Variants in UQCC5 observed in about 807,000 individuals in gnomAD.
UQCC5 encodes the protein ubiquinol-cytochrome c reductase complex assembly factor 5.
the UQCC5 span, among the ~76,000 whole-genome samples, chr3:52,537,219 G>A: frequency 6.6e-6 from 1 of 152,208 alleles, no homozygotes; most frequent in Non-Finnish European, 1.5e-5. Flanking sequence ...CACAACAATC[G>A]TAGAAGGGGG....
chr3:52,540,578 C>T, the UQCC5 span: 53 of 908,044 alleles, frequency 5.8e-5, no homozygotes, highest in Non-Finnish European at 8.3e-5. Context: ...CTTGTTCTGA[C>T]ACAGCTTGTC....
the UQCC5 span, chr3:52,536,792 C>T: frequency 5.8e-6 from 9 of 1,551,780 alleles, no homozygotes; most frequent in Non-Finnish European, 7.8e-6. Flanking sequence ...GATTCTGCAG[C>T]GGGTGCCCGG....
the UQCC5 span, chr3:52,536,990 A>G: frequency 1.3e-6 from 2 of 1,509,670 alleles, no homozygotes; most frequent in Non-Finnish European, 1.8e-6. Flanking sequence ...GTATTCTCAG[A>G]TTGCAGACCG....
the UQCC5 span, among the ~76,000 whole-genome samples, chr3:52,539,636 A>T: frequency 3.0e-5 from 4 of 132,244 alleles, no homozygotes; most frequent in East Asian, 2.2e-4. Flanking sequence ...TGAAGGAAGA[A>T]GATTTTTTTT....
chr3:52,538,537 C>T, the UQCC5 span, among the ~76,000 whole-genome samples: 482 of 152,312 alleles, frequency 3.2e-3, 8 homozygotes, highest in East Asian at 2.7e-3. Context: ...TCTTGGCTCA[C>T]CGCAACCTCT....
the UQCC5 span, chr3:52,541,081 G>A: frequency 6.6e-6 from 1 of 152,326 alleles, no homozygotes; most frequent in Non-Finnish European, 1.5e-5. Context: ...CATGAGGACT[G>A]TGGGCAACAG....
the UQCC5 span, chr3:52,541,863 A>G: frequency 2.0e-5 from 3 of 152,248 alleles, no homozygotes; most frequent in African/African-American, 7.2e-5. Context: ...AAAGAATAAT[A>G]GTAAACACTA....
the UQCC5 span, among the ~76,000 whole-genome samples, chr3:52,539,155 ATCAGTTGGCCCC>A: frequency 1.3e-5 from 2 of 152,176 alleles, no homozygotes; most frequent in Non-Finnish European, 2.9e-5. Flanking sequence ...AGTTAGAGGC[ATCAGTTGGCCCC>A]TCAGGACACA....
At chr3:52,536,633 G>A in the UQCC5 span, 21 of 1,480,940 alleles carry the variant, frequency 1.4e-5, no homozygotes, top group African/African-American at 4.2e-5. Flanking sequence ...CAGTGGCGGA[G>A]GACGGCGCTC....
the UQCC5 span, among the ~76,000 whole-genome samples, chr3:52,539,548 A>G: frequency 3.3e-5 from 5 of 152,316 alleles, no homozygotes; most frequent in East Asian, 9.6e-4. Flanking sequence ...GCCAGAGGCC[A>G]GCACTTTTGG....
the UQCC5 span, chr3:52,540,462 CAG>C: frequency 6.5e-7 from 1 of 1,532,066 alleles, no homozygotes; most frequent in Non-Finnish European, 8.8e-7. Context: ...AAGACAGTAT[CAG>C]AGAAGGCTGG....
At chr3:52,537,312 C>T in the UQCC5 span, among the ~76,000 whole-genome samples, 26 of 152,224 alleles carry the variant, frequency 1.7e-4, no homozygotes, top group African/African-American at 6.3e-4. Flanking sequence ...GGGAGCTGAT[C>T]TGCCTGGCTT....
At chr3:52,540,731 T>G in the UQCC5 span, 3 of 363,862 alleles carry the variant, frequency 8.2e-6, no homozygotes, top group African/African-American at 4.2e-5. Context: ...TCGATGAATC[T>G]AGTCCATGAA....
At chr3:52,537,014 G>C in the UQCC5 span, 8 of 1,434,674 alleles carry the variant, frequency 5.6e-6, no homozygotes, top group Non-Finnish European at 6.6e-6. Flanking sequence ...ATTCCACTCA[G>C]AGCGCTGGGC....
At chr3:52,540,812 T>C in the UQCC5 span, 1 of 213,486 alleles carries the variant, frequency 4.7e-6, no homozygotes, top group Non-Finnish European at 9.2e-6. Flanking sequence ...TCGGCAATCT[T>C]TGTTTTTAGG....
At chr3:52,540,400 T>A in the UQCC5 span, 2 of 1,503,682 alleles carry the variant, frequency 1.3e-6, no homozygotes, top group Non-Finnish European at 1.8e-6. Context: ...CTTAAACATC[T>A]GAGCAACTTT....
chr3:52,539,324 C>T, the UQCC5 span, among the ~76,000 whole-genome samples: 3 of 152,106 alleles, frequency 2.0e-5, no homozygotes, highest in Non-Finnish European at 2.9e-5. Context: ...AGCGGCTGAG[C>T]GGGTAAGACG....
chr3:52,538,317 C>CCA, the UQCC5 span, among the ~76,000 whole-genome samples: 1 of 152,104 alleles, frequency 6.6e-6, no homozygotes, highest in Non-Finnish European at 1.5e-5. Flanking sequence ...ACAGGCAGGG[C>CCA]CATCCTGGGC....
the UQCC5 span, chr3:52,540,366 A>G: frequency 7.9e-7 from 1 of 1,266,764 alleles, no homozygotes; most frequent in Non-Finnish European, 1.1e-6. Context: ...AATTATTCAG[A>G]TTGTTTTAAT....
Sources: gnomAD v4.1 joint callset for allele counts (sites outside exome capture counted in the v4.1 genomes callset) on GRCh38, gnomAD v4.1.1 for gene constraint, MANE v1.5 for transcripts, NCBI Gene and HGNC (gene_info 2026-07-23, HGNC 2026-07-21) for gene names.